Variants in RPS6KB2 observed in about 807,000 individuals in gnomAD.
RPS6KB2 encodes the protein ribosomal protein S6 kinase beta-2.
A neutral mutation model predicts 58.2 loss-of-function variants in RPS6KB2; 51 were observed. That is an observed-to-expected ratio of 0.88 (90% confidence interval 0.70 to 1.11). The LOEUF (loss-of-function observed/expected upper bound fraction) is 1.11. Ranked by LOEUF, RPS6KB2 falls within the 50% of genes least tolerant of loss-of-function variation. The probability of loss-of-function intolerance (pLI) is 0.00; values close to 1 mark genes in which losing one functional copy is unlikely to be tolerated. For missense variants in RPS6KB2, 671 were observed against 655.8 expected (o/e 1.02, Z -0.25); for synonymous variants, 293 against 258.6 (o/e 1.13, Z -1.28).
Position 67,434,183 on chromosome 11 carries a change from A to G in RPS6KB2, c.970-15A>G. On this transcript the variant is annotated splice_polypyrimidine_tract_variant and intron_variant, in intron 11 of 14. Coordinates refer to ENST00000312629, the MANE Select transcript of RPS6KB2 (RefSeq NM_003952.3). ...GGTGAGCTGTTAGTGGGTTTGGTGC[A>G]TTCTCTACCTACAGAGACATCCCTT... The G allele has an allele frequency of 6.2e-7, 1 of 1,614,002 alleles. No individual in the cohort carries two copies. Among genetic ancestry groups the G allele is most frequent in the East Asian group, 2.2e-5 (1 of 44,886 alleles).
intron 4 of RPS6KB2, chr11:67,431,001 G>A (rs1281020304): frequency 1.8e-5 from 3 of 169,182 alleles, no homozygotes; most frequent in Non-Finnish European, 2.6e-5. Context: ...CAAACAGATG[G>A]ATGGTCTGAG....
At chr11:67,429,422 T>TGCCAAGGGTGG in intron 3 of RPS6KB2, 105 bp from the exon 4 acceptor site, 1 of 1,370,322 alleles carries the variant, frequency 7.3e-7, no homozygotes, top group Non-Finnish European at 1.0e-6. Context: ...GCCCCACCCT[T>TGCCAAGGGTGG]GGCAGGGCCT....
intron 3 of RPS6KB2, 93 bp from the exon 4 acceptor site, chr11:67,429,434 G>A: frequency 3.5e-6 from 5 of 1,422,236 alleles, no homozygotes; most frequent in Non-Finnish European, 3.9e-6. Context: ...GCAGGGCCTA[G>A]GCCTCCTGAT....
At chr11:67,433,304 G>T in intron 9 of RPS6KB2, 36 bp from the exon 10 acceptor site, 2 of 1,601,138 alleles carry the variant, frequency 1.2e-6, no homozygotes, top group Non-Finnish European at 1.7e-6. Flanking sequence ...CTGGTGGGAG[G>T]CCCACAAGGC....
chr11:67,433,559 CTG>C, intron 10 of RPS6KB2, 112 bp downstream of exon 10: 1 of 815,484 alleles, frequency 1.2e-6, no homozygotes, highest in Non-Finnish European at 2.0e-6. Context: ...CAGTTTGCCT[CTG>C]GGAATGAAAG....
intron 5 of RPS6KB2, chr11:67,432,397 TC>T (rs769051753): frequency 1.0e-4 from 73 of 701,340 alleles, no homozygotes; most frequent in South Asian, 8.1e-4. Flanking sequence ...CTTCATCCTG[TC>T]CCCAGCTTCA....
Position 67,433,216 on chromosome 11 carries a change from G to A in RPS6KB2, c.798G>A (p.Ser266=), listed in dbSNP as rs200835819. 1.0e-5 allele frequency: 16 copies of A among 1,606,324 alleles called. No homozygotes were observed. Among genetic ancestry groups the A allele is most frequent in the Non-Finnish European group, 1.3e-5 (15 of 1,179,166 alleles). The part of the protein sequence containing the change: ...GALMYDMLTG[S]PPFTAENRKK... ...TGATGTACGACATGCTCACTGGATC[G>A]GCAAGTCCAGCCCCCGGGGAGGAGG... Residue 266 remains serine (S), a splice_region_variant and synonymous_variant, in exon 9 of 15, where the codon TCG becomes TCA. Coordinates refer to ENST00000312629, the MANE Select transcript of RPS6KB2 (RefSeq NM_003952.3).
Position 67,435,114 on chromosome 11 carries a change from G to GT in RPS6KB2, c.1395dup (p.Pro466SerfsTer56). 6.2e-7 allele frequency: 1 copy of GT among 1,605,530 alleles called. No individual in the cohort carries two copies. Among genetic ancestry groups the GT allele is most frequent in the Non-Finnish European group, 8.5e-7 (1 of 1,178,364 alleles). On this transcript the variant is annotated frameshift_variant, in exon 15 of 15. Transcript: ENST00000312629. LOFTEE classifies it high-confidence loss of function. ...TCGACCACCGCCCCTCTCCCCATCC[G>GT]TCCCCCCTCAGGGACCAAGAAGTCC...
chr11:67,431,659 T>C (rs1014884545), intron 5 of RPS6KB2, 144 bp downstream of exon 5: 4 of 663,230 alleles, frequency 6.0e-6, no homozygotes, highest in African/African-American at 5.4e-5. Flanking sequence ...CATCCATCCA[T>C]CCATCCGTGC....
chr11:67,432,117 C>G (rs774817901), intron 5 of RPS6KB2: 1 of 362,110 alleles, frequency 2.8e-6, no homozygotes, highest in Non-Finnish European at 5.4e-6. Context: ...CTTGACCTGC[C>G]TTTCCCTCGT....
rs780810372 is a variant in RPS6KB2 at position 67,429,042 on chromosome 11, G to C, written c.119+20G>C. On this transcript the variant is annotated intron_variant, in intron 2 of 14. Coordinates refer to ENST00000312629, the MANE Select transcript of RPS6KB2 (RefSeq NM_003952.3). ...CCTAGAGTGAGTGAGGGTCGTGTTG[G>C]GGGAGGGGGGAATGGAGTGGGGAAG... The C allele has an allele frequency of 1.4e-5, 22 of 1,613,846 alleles. No individual in the cohort carries two copies. The Admixed American group carries it at 3.5e-4, about 26-fold the overall frequency.
intron 9 of RPS6KB2, 57 bp downstream of exon 9, chr11:67,433,273 C>A (rs945685197): frequency 1.6e-5 from 25 of 1,603,942 alleles, no homozygotes; most frequent in African/African-American, 4.0e-5. Flanking sequence ...AGTAGCCCCC[C>A]TCCTGGGGCA....
chr11:67,434,668 C>G lies in RPS6KB2; in HGVS notation c.1242C>G (p.Leu414=). The change falls in exon 14 of 15, where the codon CTC becomes CTG. Residue 414 remains leucine, a synonymous_variant. Coordinates refer to ENST00000312629, the MANE Select transcript of RPS6KB2 (RefSeq NM_003952.3). ...CCAAGCTGCGCTCACCCAGGCGCCT[C>G]AACAGTAGCCCCCGGGCCCCCGTCA... The part of the protein sequence containing the change: ...FQPKLRSPRR[L]NSSPRAPVSP... 3 of 1,609,946 alleles carry G rather than the reference C, an allele frequency of 1.9e-6. No homozygotes were observed. Among genetic ancestry groups the G allele is most frequent in the Non-Finnish European group, 2.5e-6 (3 of 1,178,954 alleles).
At chr11:67,434,116 G>A in intron 11 of RPS6KB2, 59 bp downstream of exon 11, 1 of 1,612,354 alleles carries the variant, frequency 6.2e-7, no homozygotes, top group South Asian at 1.1e-5. Flanking sequence ...CGGGAATGGG[G>A]GCAGGGCCCC....
At chr11:67,429,424 G>A in intron 3 of RPS6KB2, 103 bp from the exon 4 acceptor site, 1 of 1,383,868 alleles carries the variant, frequency 7.2e-7, no homozygotes, top group Non-Finnish European at 1.0e-6. Context: ...CCCACCCTTG[G>A]CAGGGCCTAG....
At position 67,434,190 on chromosome 11, in the gene RPS6KB2, A is replaced by T. The variant is rs778732560; in HGVS notation, c.970-8A>T. 6.2e-7 allele frequency: 1 copy of T among 1,613,914 alleles called. No individual in the cohort carries two copies. The highest frequency in any genetic ancestry group is 1.1e-5 in the South Asian group (1 of 91,080). ...TGTTAGTGGGTTTGGTGCATTCTCTACCTACAGAGACATCCCTTTTTCCGG... is the reference window on the plus strand; with the variant it reads ...TGTTAGTGGGTTTGGTGCATTCTCTTCCTACAGAGACATCCCTTTTTCCGG... On this transcript the variant is annotated splice_polypyrimidine_tract_variant and splice_region_variant and intron_variant, in intron 11 of 14. Transcript: ENST00000312629.
In RPS6KB2 at chr11:67,433,008, G is replaced by C. The variant is rs370932588; in HGVS notation, c.673G>C (p.Val225Leu). 8 of 1,613,234 alleles carry C rather than the reference G, an allele frequency of 5.0e-6. No individual in the cohort carries two copies. The South Asian group carries it at 8.8e-5, about 18-fold the overall frequency. Residue 225 changes from valine (V) to leucine (L), a missense_variant, in exon 8 of 15, where the codon GTC becomes CTC. Coordinates refer to ENST00000312629, the MANE Select transcript of RPS6KB2 (RefSeq NM_003952.3). Reference protein sequence around the residue: ...LCKESIHEGAVTHTFCGTIEY... With the variant: ...LCKESIHEGALTHTFCGTIEY... ...CAAGGAGTCTATCCATGAGGGCGCC[G>C]TCACTCACACCTTCTGCGGCACCAT...
At position 67,435,085 on chromosome 11, in the gene RPS6KB2, G is replaced by A. The variant is rs770238553; in HGVS notation, c.1365G>A (p.Pro455=). 1.1e-5 allele frequency: 17 copies of A among 1,610,106 alleles called. No homozygotes were observed. The highest frequency in any genetic ancestry group is 3.3e-5 in the Admixed American group (2 of 59,914). Residue 455 remains proline, a synonymous_variant, in exon 15 of 15, where the codon CCG becomes CCA. Transcript: ENST00000312629. ...LPLPPLLPPP[P]PSTTAPLPIR... is the part of the protein sequence containing the mutation. ...TACCTCCACTCCTGCCACCGCCGCCGCCCTCGACCACCGCCCCTCTCCCCA... is the reference window on the plus strand; with the variant it reads ...TACCTCCACTCCTGCCACCGCCGCCACCCTCGACCACCGCCCCTCTCCCCA...
chr11:67,432,635 A>G lies in RPS6KB2; in HGVS notation c.493A>G (p.Ile165Val), dbSNP rs1390927059. ...CTTCACGCATCTGGAGCGAGAGGGC[A>G]TCTTCCTGGAAGATACGGCCTGGTG... ...ELFTHLEREGIFLEDTACFYL... is the reference protein window; with the variant it reads ...ELFTHLEREGVFLEDTACFYL... The change falls in exon 6 of 15, where the codon ATC becomes GTC. Residue 165 changes from isoleucine (I) to valine (V), a missense_variant. Transcript: ENST00000312629. 6.2e-7 allele frequency: 1 copy of G among 1,614,168 alleles called. No individual in the cohort carries two copies. Among genetic ancestry groups the G allele is most frequent in the Admixed American group, 1.7e-5 (1 of 60,020 alleles).
Sources: gnomAD v4.1 joint callset for allele counts on GRCh38, gnomAD v4.1.1 for gene constraint, MANE v1.5 for transcripts, NCBI Gene and HGNC (gene_info 2026-07-23, HGNC 2026-07-21) for gene names.